CABLES1: variants seen among roughly 807,000 people sequenced by gnomAD.
CABLES1 encodes the protein Cdk5 and Abl enzyme substrate 1, also known as CDK5 and ABL1 enzyme substrate 1.
CABLES1 carries 36 observed loss-of-function variants against 57.8 expected under a neutral mutation model. That is an observed-to-expected ratio of 0.62 (90% confidence interval 0.48 to 0.82). CABLES1 has a LOEUF of 0.82. Ranked by LOEUF, CABLES1 falls within the 40% of genes least tolerant of loss-of-function variation. CABLES1 has a pLI of 0.00. For synonymous variants in CABLES1, 374 were observed against 363.0 expected (o/e 1.03, Z -0.35); for missense variants, 767 against 836.6 (o/e 0.92, Z 1.03).
At chr18:23,182,417 T>G (rs1239697120) in intron 1 of CABLES1, among the ~76,000 whole-genome samples, 1 of 152,182 alleles carries the variant, frequency 6.6e-6, no homozygotes, top group Admixed American at 6.5e-5. Flanking sequence ...AAGTGGAATG[T>G]TAGGAGAAGG....
chr18:23,206,794 T>C (rs1341505567), intron 3 of CABLES1, among the ~76,000 whole-genome samples: 1 of 151,984 alleles, frequency 6.6e-6, no homozygotes, highest in Non-Finnish European at 1.5e-5. Flanking sequence ...TCTGTTCATT[T>C]TCACATTCTT....
intron 1 of CABLES1, among the ~76,000 whole-genome samples, chr18:23,138,632 T>C (rs535583858): frequency 9.8e-5 from 15 of 152,346 alleles, no homozygotes; most frequent in South Asian, 2.1e-4. Context: ...GCTTGTCTTA[T>C]CACTAGAGTA....
At chr18:23,174,820 C>T (rs2047110348) in intron 1 of CABLES1, among the ~76,000 whole-genome samples, 1 of 42,606 alleles carries the variant, frequency 2.3e-5, no homozygotes. Flanking sequence ...ACATGTTACA[C>T]CATATATATA....
chr18:23,154,177 G>A (rs2046950981), intron 1 of CABLES1, among the ~76,000 whole-genome samples: 1 of 152,146 alleles, frequency 6.6e-6, no homozygotes, highest in East Asian at 1.9e-4. Context: ...GTTTGTATCT[G>A]ATTGCCAAGT....
chr18:23,156,085 C>G, intron 1 of CABLES1: 2 of 1,024,702 alleles, frequency 2.0e-6, no homozygotes, highest in Non-Finnish European at 3.0e-6. Flanking sequence ...GATGTCAGTC[C>G]TGATGTGGGC....
intron 1 of CABLES1, among the ~76,000 whole-genome samples, chr18:23,161,018 G>A (rs530875727): frequency 1.7e-4 from 26 of 151,946 alleles, no homozygotes; most frequent in Admixed American, 7.9e-4. Flanking sequence ...GGGTGACACT[G>A]ACACAGTGAG....
At chr18:23,211,389 A>G (rs1050488367) in intron 3 of CABLES1, among the ~76,000 whole-genome samples, 1 of 152,124 alleles carries the variant, frequency 6.6e-6, no homozygotes, top group African/African-American at 2.4e-5. Flanking sequence ...AATGGCAGGG[A>G]GTGGCAGTGA....
intron 6 of CABLES1, 89 bp from the exon 7 acceptor site, chr18:23,237,053 C>T: frequency 1.2e-6 from 1 of 816,874 alleles, no homozygotes; most frequent in South Asian, 1.4e-5. Flanking sequence ...TTCTTCATTC[C>T]AGCTATACTT....
At chr18:23,175,619 C>T (rs2047117897) in intron 1 of CABLES1, among the ~76,000 whole-genome samples, 1 of 152,144 alleles carries the variant, frequency 6.6e-6, no homozygotes, top group African/African-American at 2.4e-5. Flanking sequence ...AGCTAATTTT[C>T]ATAGTTTTTG....
At chr18:23,247,184 G>A (rs1175793946) in intron 7 of CABLES1, among the ~76,000 whole-genome samples, 1 of 152,242 alleles carries the variant, frequency 6.6e-6, no homozygotes, top group Non-Finnish European at 1.5e-5. Context: ...CTCTTGGCAT[G>A]GTTGGGAGGC....
chr18:23,205,373 T>C (rs1204622007), intron 3 of CABLES1, among the ~76,000 whole-genome samples: 2 of 151,944 alleles, frequency 1.3e-5, no homozygotes, highest in African/African-American at 4.8e-5. Flanking sequence ...TTTGTATTTT[T>C]AGTAGAGACA....
chr18:23,196,982 C>CGT (rs1568063587), intron 3 of CABLES1: 1 of 152,232 alleles, frequency 6.6e-6, no homozygotes, highest in Non-Finnish European at 1.5e-5. Context: ...ACCTGCTGAC[C>CGT]GTGTGATAGA....
At chr18:23,160,645 A>G (rs2046997342) in intron 1 of CABLES1, among the ~76,000 whole-genome samples, 1 of 152,178 alleles carries the variant, frequency 6.6e-6, no homozygotes, top group South Asian at 2.1e-4. Flanking sequence ...GCAGGAGTCC[A>G]CATGTTCTGG....
At chr18:23,206,418 A>G (rs1853401142) in intron 3 of CABLES1, among the ~76,000 whole-genome samples, 1 of 152,240 alleles carries the variant, frequency 6.6e-6, no homozygotes, top group Non-Finnish European at 1.5e-5. Flanking sequence ...CAAAGGAAAT[A>G]CCCACAGAAA....
chr18:23,166,203 AT>A (rs111877597), intron 1 of CABLES1, among the ~76,000 whole-genome samples: 1,807 of 144,512 alleles, frequency 0.013, 27 homozygotes, highest in African/African-American at 0.032. Flanking sequence ...TATGAATGCA[AT>A]TTTTTTTTTT....
At chr18:23,235,539 C>T (rs1458778638) in intron 5 of CABLES1, among the ~76,000 whole-genome samples, 1 of 152,198 alleles carries the variant, frequency 6.6e-6, no homozygotes, top group Non-Finnish European at 1.5e-5. Flanking sequence ...GTGTTCTGGG[C>T]TTCTGCACTT....
chr18:23,152,199 C>A (rs1468586315), intron 1 of CABLES1, among the ~76,000 whole-genome samples: 1 of 152,014 alleles, frequency 6.6e-6, no homozygotes, highest in Non-Finnish European at 1.5e-5. Flanking sequence ...AGGAGTCCAG[C>A]CTGGGCAACA....
chr18:23,153,756 C>T lies in CABLES1; in HGVS notation c.845+17149C>T, dbSNP rs1181389191. On this transcript the variant is annotated intron_variant, in intron 1 of 9. Coordinates refer to ENST00000256925, the MANE Select transcript of CABLES1 (RefSeq NM_001100619.3). Reference sequence around the variant, plus strand: ...CTCAAAAAACAAAAAATAGGCCAGGCACCATGGCTGATGCCTGTAGTCCCA... The same window carrying T: ...CTCAAAAAACAAAAAATAGGCCAGGTACCATGGCTGATGCCTGTAGTCCCA... Among the ~76,000 whole-genome samples the T allele has an allele frequency of 2.6e-5, 4 of 151,276 alleles. No homozygotes were observed. In the East Asian group the frequency reaches 7.9e-4, roughly 30 times the overall value.
At chr18:23,255,669 C>T (rs1214994630) in intron 9 of CABLES1, among the ~76,000 whole-genome samples, 1 of 151,746 alleles carries the variant, frequency 6.6e-6, no homozygotes, top group Non-Finnish European at 1.5e-5. Context: ...AAGCAATCCT[C>T]CCATCTCCGC....
Sources: gnomAD v4.1 joint callset for allele counts (sites outside exome capture counted in the v4.1 genomes callset) on GRCh38, gnomAD v4.1.1 for gene constraint, MANE v1.5 for transcripts, NCBI Gene and HGNC (gene_info 2026-07-23, HGNC 2026-07-21) for gene names.